Variants in RILPL1 observed in about 807,000 individuals in gnomAD.
RILPL1 encodes the protein RILP-like protein 1.
A neutral mutation model predicts 50.3 loss-of-function variants in RILPL1; 33 were observed. That is an observed-to-expected ratio of 0.66 (90% CI 0.50 to 0.88). RILPL1 has a LOEUF of 0.88. Among genes scored for constraint, RILPL1 ranks in the 40% least tolerant of loss-of-function variants. The probability of loss-of-function intolerance (pLI) is 0.00; values close to 1 mark genes in which losing one functional copy is unlikely to be tolerated. For missense variants in RILPL1, 418 were observed against 542.5 expected, an observed-to-expected ratio of 0.77 and a Z score of 2.28; for synonymous variants, 205 against 228.6, an observed-to-expected ratio of 0.90 and a Z score of 0.93.
intron 4 of RILPL1, among the ~76,000 whole-genome samples, chr12:123,495,373 A>G (rs1882957566): frequency 6.9e-6 from 1 of 145,092 alleles, no homozygotes; most frequent in Non-Finnish European, 1.5e-5. Context: ...TCCCTCTTAA[A>G]CATTTTTTTT....
chr12:123,525,920 AAAACAAACAAAC>A (rs149762500), intron 1 of RILPL1, among the ~76,000 whole-genome samples: 1 of 151,482 alleles, frequency 6.6e-6, no homozygotes, highest in Non-Finnish European at 1.5e-5. Context: ...ACCCCCGCAA[AAAACAAACAAAC>A]AAACAAACAA....
chr12:123,495,607 C>G (rs956036318), intron 4 of RILPL1, among the ~76,000 whole-genome samples: 1 of 150,518 alleles, frequency 6.6e-6, no homozygotes, highest in Non-Finnish European at 1.5e-5. Flanking sequence ...ATCTCCTGAC[C>G]TTGTGATCCG....
chr12:123,525,794 C>T (rs1458301929), intron 1 of RILPL1, among the ~76,000 whole-genome samples: 1 of 151,792 alleles, frequency 6.6e-6, no homozygotes, highest in African/African-American at 2.4e-5. Flanking sequence ...ATCTTCCCAC[C>T]TTGGCCTCCC....
intron 6 of RILPL1, among the ~76,000 whole-genome samples, chr12:123,480,718 A>G (rs1593534892): frequency 6.6e-6 from 1 of 152,078 alleles, no homozygotes; most frequent in African/African-American, 2.4e-5. Context: ...CAAGCACTGC[A>G]TGAGAAACCC....
intron 4 of RILPL1, among the ~76,000 whole-genome samples, chr12:123,492,940 G>A (rs1882794133): frequency 6.6e-6 from 1 of 152,168 alleles, no homozygotes; most frequent in East Asian, 1.9e-4. Flanking sequence ...GCCACGTATT[G>A]TCCAAGGTTT....
At chr12:123,510,926 TGTG>T (rs1251342922) in intron 2 of RILPL1, among the ~76,000 whole-genome samples, 1 of 146,962 alleles carries the variant, frequency 6.8e-6, no homozygotes, top group Non-Finnish European at 1.5e-5. Context: ...TCTGTGTGTG[TGTG>T]GTGTGTGTAA....
intron 1 of RILPL1, among the ~76,000 whole-genome samples, chr12:123,525,383 ATT>A (rs36117410): frequency 3.0e-5 from 4 of 134,380 alleles, no homozygotes; most frequent in Admixed American, 7.6e-5. Flanking sequence ...TGACTGGCTA[ATT>A]TTTTTTTTTT....
intron 1 of RILPL1, among the ~76,000 whole-genome samples, chr12:123,525,953 G>A (rs975543697): frequency 6.6e-6 from 1 of 151,986 alleles, no homozygotes; most frequent in Non-Finnish European, 1.5e-5. Context: ...ACAAAAAAAC[G>A]GTACTTGGTA....
At chr12:123,506,809 A>C (rs1487573392) in intron 2 of RILPL1, among the ~76,000 whole-genome samples, 1 of 152,092 alleles carries the variant, frequency 6.6e-6, no homozygotes, top group Non-Finnish European at 1.5e-5. Context: ...AAAGCCATGA[A>C]ACTGGATGGT....
intron 6 of RILPL1, among the ~76,000 whole-genome samples, chr12:123,477,448 C>T (rs571596615): frequency 2.0e-5 from 3 of 150,500 alleles, no homozygotes; most frequent in Admixed American, 1.3e-4. Flanking sequence ...AAGTGATTCT[C>T]CTGCCTCAGC....
In RILPL1 at chr12:123,498,817, G is replaced by T; in HGVS notation, c.580-52C>A. ...GGGGCTGCCACCTGCGGTAGCTCAG[G>T]TTGTACACTGCACAACGGCAAACCA... On this transcript the variant is annotated intron_variant, in intron 3 of 6. Transcript: ENST00000376874. This position sits in a 1 kb window ranked among gnomAD's most constrained non-coding sequence, Gnocchi z 4.3. 24 of 1,539,256 alleles carry T rather than the reference G, an allele frequency of 1.6e-5. No individual in the cohort carries two copies. The highest frequency in any genetic ancestry group is 2.1e-5 in the Non-Finnish European group (23 of 1,120,604).
chr12:123,500,266 A>G, intron 2 of RILPL1, among the ~76,000 whole-genome samples: 1 of 121,428 alleles, frequency 8.2e-6, no homozygotes, highest in South Asian at 2.6e-4. Context: ...TACAGTTCCT[A>G]TGTGTCCCTT....
intron 6 of RILPL1, among the ~76,000 whole-genome samples, chr12:123,477,528 G>A (rs940662630): frequency 9.9e-5 from 15 of 151,834 alleles, no homozygotes; most frequent in Admixed American, 8.5e-4. Context: ...TAGTAGAGAC[G>A]GGGTTTCCCT....
In RILPL1 at chr12:123,489,500, T is replaced by TA. The variant is rs1376595420; in HGVS notation, c.802-3696dup. Among the ~76,000 whole-genome samples the TA allele has an allele frequency of 6.6e-6, 1 of 151,586 alleles. No homozygotes were observed. The highest frequency in any genetic ancestry group is 1.5e-5 in the Non-Finnish European group (1 of 67,906). On this transcript the variant is annotated intron_variant, in intron 4 of 6. Coordinates refer to ENST00000376874, the MANE Select transcript of RILPL1 (RefSeq NM_178314.5). The surrounding 1 kb of genome is among the most constrained non-coding windows in gnomAD (Gnocchi z 4.0). ...CAACATGGTGAAACCCCGTCTCTAC[T>TA]AAAAAACACAAAAATTAGTCAGGCA...
At chr12:123,477,019 G>A (rs1171991386) in intron 6 of RILPL1, among the ~76,000 whole-genome samples, 8 of 152,196 alleles carry the variant, frequency 5.3e-5, no homozygotes, top group Non-Finnish European at 1.2e-4. Context: ...GCGAGAACCA[G>A]GAGAGACTGA....
rs1443605505 is a variant in RILPL1 at position 123,489,332 on chromosome 12, G to T, written c.802-3527C>A. Reference sequence around the variant, plus strand: ...AAGTCAGGAGTTCGAGACCAGCCTGGACAACATGGTGAAACGCTATCTCTA... The same window carrying T: ...AAGTCAGGAGTTCGAGACCAGCCTGTACAACATGGTGAAACGCTATCTCTA... On this transcript the variant is annotated intron_variant, in intron 4 of 6. Coordinates refer to ENST00000376874, the MANE Select transcript of RILPL1 (RefSeq NM_178314.5). The surrounding 1 kb of genome is among the most constrained non-coding windows in gnomAD (Gnocchi z 4.0). 6.6e-6 allele frequency among the ~76,000 whole-genome samples: 1 copy of T among 151,978 alleles called. No homozygotes were observed. Among genetic ancestry groups the T allele is most frequent in the African/African-American group, 2.4e-5 (1 of 41,358 alleles).
chr12:123,485,814 G>C lies in RILPL1; in HGVS notation c.802-9C>G. ...TCTCCCACCGGCTCCGTCTGGAGGA[G>C]GCAGAGATGCTGCTAATGAATTCTT... On this transcript the variant is annotated splice_polypyrimidine_tract_variant and intron_variant, in intron 4 of 6. Coordinates refer to ENST00000376874, the MANE Select transcript of RILPL1 (RefSeq NM_178314.5). This position sits in a 1 kb window ranked among gnomAD's most constrained non-coding sequence, Gnocchi z 4.0. 1.9e-6 allele frequency: 3 copies of C among 1,593,500 alleles called. No individual in the cohort carries two copies. Among genetic ancestry groups the C allele is most frequent in the Non-Finnish European group, 2.6e-6 (3 of 1,170,852 alleles).
At chr12:123,508,752 C>G (rs139026591) in intron 2 of RILPL1, among the ~76,000 whole-genome samples, 245 of 152,188 alleles carry the variant, frequency 1.6e-3, no homozygotes, top group African/African-American at 5.2e-3. Flanking sequence ...GCCTGTAATC[C>G]CAGCACTTTG....
At position 123,472,653 on chromosome 12, in the gene RILPL1, C is replaced by T. The variant is rs1045936858; in HGVS notation, c.1097G>A (p.Arg366His). The change falls in exon 7 of 7, where the codon CGC becomes CAC. Residue 366 changes from arginine to histidine, a missense_variant. Arg to His is a conservative substitution (Grantham distance 29). Coordinates refer to ENST00000376874, the MANE Select transcript of RILPL1 (RefSeq NM_178314.5). Reference protein sequence around the residue: ...LFSFFSRDKKRLANTQRNVHI... With the variant: ...LFSFFSRDKKHLANTQRNVHI... ...CACGTTTCTCTGTGTGTTGGCCAGG[C>T]GCTTCTTATCTCGGGAGAAGAAGCT... 6 of 1,598,318 alleles carry T rather than the reference C, an allele frequency of 3.8e-6. No homozygotes were observed. The highest frequency in any genetic ancestry group is 1.7e-5 in the Admixed American group (1 of 57,268).
Sources: allele counts gnomAD v4.1 joint callset (sites outside exome capture counted in the v4.1 genomes callset), GRCh38; gene constraint gnomAD v4.1.1; non-coding constraint Gnocchi (gnomAD v3.1); transcripts MANE v1.5; gene names NCBI Gene and HGNC (gene_info 2026-07-23, HGNC 2026-07-21).